Variants in SMAD3 observed in about 807,000 individuals in gnomAD.
SMAD3 encodes MAD homolog 3.
SMAD3 carries 12 observed loss-of-function variants against 51.8 expected under a neutral mutation model. That is an observed-to-expected ratio of 0.23 (90% CI 0.15 to 0.38). The LOEUF is 0.38. Among genes scored for constraint, SMAD3 ranks in the 10% least tolerant of loss-of-function variants. The pLI is 1.00. For missense variants in SMAD3, 294 were observed against 565.6 expected (o/e 0.52, Z 4.87); for synonymous variants, 238 against 227.7 (o/e 1.05, Z -0.41).
intron 1 of SMAD3, among the ~76,000 whole-genome samples, chr15:67,160,995 C>CT (rs1260688897): frequency 6.6e-6 from 1 of 151,586 alleles, no homozygotes; most frequent in Non-Finnish European, 1.5e-5. Flanking sequence ...TTATTAAGTG[C>CT]TTTTTGGTGT....
intron 3 of SMAD3, 175 bp from the exon 4 acceptor site, chr15:67,166,604 G>A (rs1962596056): frequency 3.0e-6 from 2 of 672,442 alleles, no homozygotes; most frequent in East Asian, 5.4e-5. Context: ...GGAGTCAGAG[G>A]TGGACAGGGG....
intron 1 of SMAD3, among the ~76,000 whole-genome samples, chr15:67,072,780 C>T (rs1039838360): frequency 1.3e-5 from 2 of 152,198 alleles, no homozygotes; most frequent in African/African-American, 4.8e-5. Flanking sequence ...ATGGAGCCTT[C>T]AGTCTTCCCA....
chr15:67,067,072 C>T (rs948858870), intron 1 of SMAD3, among the ~76,000 whole-genome samples: 2 of 152,050 alleles, frequency 1.3e-5, no homozygotes, highest in African/African-American at 4.8e-5. Flanking sequence ...TCCCACCCCC[C>T]CATCCCGACT....
At chr15:67,142,893 C>A (rs930157727) in intron 1 of SMAD3, 13 of 451,436 alleles carry the variant, frequency 2.9e-5, no homozygotes, top group African/African-American at 2.6e-4. Flanking sequence ...GGAGACAGCT[C>A]CAGCCTCTGC....
At chr15:67,178,603 C>T (rs57717739) in intron 5 of SMAD3, among the ~76,000 whole-genome samples, 1,586 of 152,076 alleles carry the variant, frequency 0.01, 23 homozygotes, top group African/African-American at 0.037. Context: ...GCAGAGCCTG[C>T]GCTTGGGCAG....
intron 1 of SMAD3, among the ~76,000 whole-genome samples, chr15:67,086,896 T>C (rs1302362688): frequency 2.3e-5 from 1 of 43,302 alleles, no homozygotes; most frequent in Admixed American, 1.7e-4. Flanking sequence ...ATCTTCTCCT[T>C]TTTTTTTTTT....
chr15:67,168,546 T>A (rs1272916389), intron 4 of SMAD3, among the ~76,000 whole-genome samples: 2 of 152,190 alleles, frequency 1.3e-5, no homozygotes, highest in Non-Finnish European at 2.9e-5. Context: ...TTTCTGCTGC[T>A]CTCCATATTT....
At chr15:67,143,810 C>T (rs1223403418) in intron 1 of SMAD3, among the ~76,000 whole-genome samples, 4 of 150,472 alleles carry the variant, frequency 2.7e-5, no homozygotes, top group Non-Finnish European at 5.9e-5. Flanking sequence ...AGTGTGATCT[C>T]GGCTCCTGCC....
At chr15:67,170,466 A>T in intron 4 of SMAD3, 88 bp from the exon 5 acceptor site, 1 of 1,075,468 alleles carries the variant, frequency 9.3e-7, no homozygotes, top group Non-Finnish European at 1.4e-6. Context: ...GTGTTGGGCT[A>T]CCCCTCCTTG....
intron 1 of SMAD3, among the ~76,000 whole-genome samples, chr15:67,104,617 C>T (rs531341430): frequency 9.8e-5 from 15 of 152,340 alleles, no homozygotes; most frequent in South Asian, 2.1e-4. Flanking sequence ...CCCTCTGTTC[C>T]GTCAGGTGGC....
At chr15:67,187,152 G>C (rs948090931) in intron 7 of SMAD3, 1 of 690,616 alleles carries the variant, frequency 1.4e-6, no homozygotes, top group Non-Finnish European at 2.6e-6. Flanking sequence ...GCACCTCCCA[G>C]TGAGGAGATG....
intron 4 of SMAD3, among the ~76,000 whole-genome samples, chr15:67,169,914 T>C (rs1255378654): frequency 3.9e-5 from 6 of 152,136 alleles, no homozygotes; most frequent in Non-Finnish European, 7.4e-5. Flanking sequence ...AGAGTAAGAA[T>C]TGGGTAGATT....
intron 8 of SMAD3, among the ~76,000 whole-genome samples, chr15:67,189,549 G>A (rs554522507): frequency 9.8e-5 from 15 of 152,358 alleles, no homozygotes; most frequent in Admixed American, 2.6e-4. Flanking sequence ...CCTGACGGGC[G>A]GGCGCGGCCC....
rs753325113 is a variant in SMAD3, at chr15:67,163,753, A to G, written c.207-1142A>G. Among the ~76,000 whole-genome samples, 136 of 152,200 alleles carry G rather than the reference A, an allele frequency of 8.9e-4. 1 individual carries two copies. Among genetic ancestry groups the G allele is most frequent in the Non-Finnish European group, 1.5e-3 (100 of 68,006 alleles). On this transcript the variant is annotated intron_variant, in intron 1 of 8. Coordinates refer to ENST00000327367, the MANE Select transcript of SMAD3 (RefSeq NM_005902.4). ...AGCTGCTTGGCCAAATCACCATAGA[A>G]GACATGGTTCACACAGGGTCATGGC...
At chr15:67,072,312 T>G (rs1249367562) in intron 1 of SMAD3, among the ~76,000 whole-genome samples, 1 of 152,238 alleles carries the variant, frequency 6.6e-6, no homozygotes, top group Non-Finnish European at 1.5e-5. Flanking sequence ...CGTGAGCTCC[T>G]TAATGAAATA....
intron 1 of SMAD3, among the ~76,000 whole-genome samples, chr15:67,105,236 C>T (rs1311514066): frequency 1.3e-5 from 2 of 152,200 alleles, no homozygotes; most frequent in Non-Finnish European, 2.9e-5. Flanking sequence ...GAGGCGCTCT[C>T]CAAAGTTCTT....
intron 1 of SMAD3, among the ~76,000 whole-genome samples, chr15:67,118,398 T>C (rs759532850): frequency 3.3e-5 from 5 of 152,264 alleles, no homozygotes; most frequent in Non-Finnish European, 7.3e-5. Context: ...GTAGAAGTTC[T>C]TGTTTTGTTT....
chr15:67,074,062 C>CT (rs1166113886), intron 1 of SMAD3, among the ~76,000 whole-genome samples: 1 of 152,232 alleles, frequency 6.6e-6, no homozygotes, highest in Admixed American at 6.5e-5. Context: ...TTCCAAGACT[C>CT]TATCAGCCTG....
intron 1 of SMAD3, among the ~76,000 whole-genome samples, chr15:67,110,814 A>G (rs1253624549): frequency 6.6e-6 from 1 of 152,244 alleles, no homozygotes; most frequent in Non-Finnish European, 1.5e-5. Flanking sequence ...GTAGATACAC[A>G]GAAAAACTGT....
Sources: gnomAD v4.1 joint callset for allele counts (sites outside exome capture counted in the v4.1 genomes callset) on GRCh38, gnomAD v4.1.1 for gene constraint, MANE v1.5 for transcripts, NCBI Gene and HGNC (gene_info 2026-07-23, HGNC 2026-07-21) for gene names.